SYPL1: variants seen among roughly 807,000 people sequenced by gnomAD.
SYPL1 encodes synaptophysin-like protein 1.
Under a neutral mutation model 23.7 loss-of-function variants are expected in SYPL1, and 6 were observed. The observed-to-expected ratio is 0.25, with a 90% CI of 0.14 to 0.50. SYPL1 has a LOEUF of 0.50. Among genes scored for constraint, SYPL1 ranks in the 20% least tolerant of loss-of-function variants. SYPL1 has a pLI of 0.98. For synonymous variants in SYPL1, 102 were observed against 104.5 expected, an observed-to-expected ratio of 0.98 and a Z score of 0.15; for missense variants, 253 against 288.9, an observed-to-expected ratio of 0.88 and a Z score of 0.90.
At chr7:106,110,910 G>A (rs1359528801) in intron 1 of SYPL1, among the ~76,000 whole-genome samples, 1 of 152,110 alleles carries the variant, frequency 6.6e-6, no homozygotes. Flanking sequence ...GATTAGCCTC[G>A]TTAATGAGAT....
In SYPL1 at chr7:106,109,977, T is replaced by C. The variant is rs910206810; in HGVS notation, c.69+2163A>G. ...AGAATTGGAGGGAGAAATCGATTGA[T>C]TGAGGAATTATGAGTGCCTAAAATT... On this transcript the variant is annotated intron_variant, in intron 1 of 4. Transcript: ENST00000455385. The surrounding 1 kb of genome is among the most constrained non-coding windows in gnomAD (Gnocchi z 4.3). Among the ~76,000 whole-genome samples, 81 of 152,178 alleles carry C rather than the reference T, an allele frequency of 5.3e-4. No individual in the cohort carries two copies. Among genetic ancestry groups the C allele is most frequent in the African/African-American group, 1.3e-3 (54 of 41,452 alleles).
Position 106,097,752 on chromosome 7 carries a change from C to T in SYPL1, c.340G>A (p.Ala114Thr), listed in dbSNP as rs1840092702. Residue 114 changes from alanine to threonine, a missense_variant, in exon 3 of 5, where the codon GCC (alanine) becomes ACC (threonine). By Grantham distance (58) the Ala-to-Thr change is moderately conservative. Coordinates refer to ENST00000455385, the MANE Select transcript of SYPL1 (RefSeq NM_182715.4). The surrounding 1 kb of genome is among the most constrained non-coding windows in gnomAD (Gnocchi z 4.6). ...GTGTAGCCAACATAAAGCAGAAGGG[C>T]AGCAATGCAGTACAGGAACACAAAG... ...AVFVFLYCIA[A>T]LLLYVGYTSL... The T allele has an allele frequency of 2.5e-6, 4 of 1,613,978 alleles. No homozygotes were observed. Among genetic ancestry groups the T allele is most frequent in the Non-Finnish European group, 3.4e-6 (4 of 1,179,934 alleles).
chr7:106,101,912 G>A (rs1027537820), intron 1 of SYPL1, among the ~76,000 whole-genome samples: 1 of 151,830 alleles, frequency 6.6e-6, no homozygotes, highest in Admixed American at 6.6e-5. Context: ...CGGAGGAAAG[G>A]AATGTGGTGG....
At chr7:106,107,742 CAA>C (rs10622990) in intron 1 of SYPL1, among the ~76,000 whole-genome samples, 16 of 79,316 alleles carry the variant, frequency 2.0e-4, no homozygotes, top group Admixed American at 1.5e-4. Flanking sequence ...ACTCCGTCTC[CAA>C]AAAAAAAAAA....
At chr7:106,094,187 A>G (rs1666715445) in intron 3 of SYPL1, among the ~76,000 whole-genome samples, 1 of 152,242 alleles carries the variant, frequency 6.6e-6, no homozygotes, top group Non-Finnish European at 1.5e-5. Context: ...TGTTTTTTAA[A>G]TAAACCCAAT....
chr7:106,098,059 T>C (rs143320900), intron 2 of SYPL1, among the ~76,000 whole-genome samples, 162 bp from the exon 3 acceptor site: 52 of 152,346 alleles, frequency 3.4e-4, no homozygotes, highest in African/African-American at 1.2e-3. Flanking sequence ...TAAACTGAAA[T>C]TTTCATAATA....
chr7:106,101,887 T>C (rs1432060954), intron 1 of SYPL1, among the ~76,000 whole-genome samples: 1 of 151,322 alleles, frequency 6.6e-6, no homozygotes. Flanking sequence ...TCTAACAGAG[T>C]TGATTTGTAG....
chr7:106,093,677 A>G lies in SYPL1; in HGVS notation c.403-540T>C, dbSNP rs1022553293. Among the ~76,000 whole-genome samples, 5 of 126,158 alleles carry G rather than the reference A, an allele frequency of 4.0e-5. 2 individuals carry two copies. The highest frequency in any genetic ancestry group is 9.3e-5 in the Non-Finnish European group (5 of 53,840). 82.8% of individuals were successfully genotyped at this position (126,158 alleles called of 152,430 possible). The stretch of plus-strand genomic sequence containing the variant: ...TTCTGTTCTAAGGGCCTTCATTATC[A>G]TCTCTTGCACATACTCTCAACTCAC... On this transcript the variant is annotated intron_variant, in intron 3 of 4. Transcript: ENST00000455385.
intron 1 of SYPL1, among the ~76,000 whole-genome samples, chr7:106,107,792 C>T (rs1324302765): frequency 6.6e-6 from 1 of 151,298 alleles, no homozygotes; most frequent in Non-Finnish European, 1.5e-5. Flanking sequence ...CTCTAGAGTT[C>T]CTACTGAAAT....
intron 1 of SYPL1, among the ~76,000 whole-genome samples, chr7:106,101,202 C>T (rs1036289638): frequency 1.3e-5 from 2 of 152,194 alleles, no homozygotes; most frequent in African/African-American, 4.8e-5. Flanking sequence ...TGACACAGTA[C>T]TTAATTTGTC....
intron 1 of SYPL1, among the ~76,000 whole-genome samples, chr7:106,103,781 C>T (rs1173081023): frequency 6.6e-6 from 1 of 152,026 alleles, no homozygotes; most frequent in Non-Finnish European, 1.5e-5. Flanking sequence ...TTTTGCTTCC[C>T]ATTGTATTTT....
intron 2 of SYPL1, among the ~76,000 whole-genome samples, chr7:106,098,148 A>G (rs886127208): frequency 1.3e-5 from 2 of 152,232 alleles, no homozygotes; most frequent in African/African-American, 4.8e-5. Context: ...CCCAGATACT[A>G]TCTTCCTGCA....
In SYPL1 at chr7:106,104,784, G is replaced by C. The variant is rs571270505; in HGVS notation, c.70-5502C>G. 2.0e-5 allele frequency among the ~76,000 whole-genome samples: 3 copies of C among 152,210 alleles called. No individual in the cohort carries two copies. The East Asian group carries it at 5.8e-4, about 29-fold the overall frequency. On this transcript the variant is annotated intron_variant, in intron 1 of 4. Coordinates refer to ENST00000455385, the MANE Select transcript of SYPL1 (RefSeq NM_182715.4). This position sits in a 1 kb window ranked among gnomAD's most constrained non-coding sequence, Gnocchi z 4.1. ...TATTAAACAAAGTACAAAATTATGA[G>C]GGCAAAATATCCAACTATCTCACTT...
chr7:106,110,235 A>G (rs149362573), intron 1 of SYPL1, among the ~76,000 whole-genome samples: 46 of 152,216 alleles, frequency 3.0e-4, no homozygotes, highest in Middle Eastern at 3.4e-3. Context: ...CTAACCCCCA[A>G]TTACTTTTAA....
At chr7:106,098,578 T>C (rs971814756) in intron 2 of SYPL1, among the ~76,000 whole-genome samples, 3 of 152,212 alleles carry the variant, frequency 2.0e-5, no homozygotes, top group African/African-American at 7.2e-5. Flanking sequence ...TGAAAGAAGA[T>C]TCCCACCCTG....
intron 2 of SYPL1, 140 bp from the exon 3 acceptor site, chr7:106,098,037 A>C (rs778224244): frequency 1.4e-6 from 1 of 705,554 alleles, no homozygotes; most frequent in Non-Finnish European, 2.3e-6. Context: ...AAATTCAAAT[A>C]TTATATTTAA....
At chr7:106,103,500 T>G (rs1002118671) in intron 1 of SYPL1, among the ~76,000 whole-genome samples, 11 of 152,164 alleles carry the variant, frequency 7.2e-5, no homozygotes, top group Non-Finnish European at 1.2e-4. Context: ...ATAGCTGCAG[T>G]ACCCAGTAAT....
chr7:106,093,119 C>T lies in SYPL1; in HGVS notation c.421G>A (p.Val141Ile). ...CTCACCAACCACAAAAAAGTGGCAA[C>T]AAGTGTAACAACAAAGTCCTAAAGC... Reference protein sequence around the residue: ...LPMIDFVVTLVATFLWLVSTS... With the variant: ...LPMIDFVVTLIATFLWLVSTS... Residue 141 changes from valine to isoleucine, a missense_variant, in exon 4 of 5, where the codon GTT becomes ATT. Coordinates refer to ENST00000455385, the MANE Select transcript of SYPL1 (RefSeq NM_182715.4). The T allele has an allele frequency of 1.9e-6, 3 of 1,605,850 alleles. No individual in the cohort carries two copies. The highest frequency in any genetic ancestry group is 2.5e-6 in the Non-Finnish European group (3 of 1,177,140).
intron 1 of SYPL1, among the ~76,000 whole-genome samples, chr7:106,108,347 T>G (rs1840722754): frequency 6.6e-6 from 1 of 152,168 alleles, no homozygotes; most frequent in South Asian, 2.1e-4. Context: ...ACTGACAGCA[T>G]TTGTTGCCAC....
Sources: gnomAD v4.1 joint callset for allele counts (sites outside exome capture counted in the v4.1 genomes callset) on GRCh38, gnomAD v4.1.1 for gene constraint, Gnocchi (gnomAD v3.1) non-coding constraint, MANE v1.5 for transcripts, NCBI Gene and HGNC (gene_info 2026-07-23, HGNC 2026-07-21) for gene names.